METAP1D: variants seen among roughly 807,000 people sequenced by gnomAD.
METAP1D encodes methionyl aminopeptidase type 1D, mitochondrial.
A neutral mutation model predicts 40.5 loss-of-function variants in METAP1D; 31 were observed. The observed-to-expected ratio is 0.77, with a 90% CI of 0.58 to 1.03. The LOEUF (loss-of-function observed/expected upper bound fraction) is 1.03. METAP1D is among the 50% of genes least tolerant of loss of function. The pLI is 0.00. For missense variants in METAP1D, 411 were observed against 420.7 expected, an observed-to-expected ratio of 0.98 and a Z score of 0.20; for synonymous variants, 151 against 146.4, an observed-to-expected ratio of 1.03 and a Z score of -0.22.
rs1423398293 is a variant in METAP1D at position 171,999,954 on chromosome 2, C to A, written c.-16C>A. ...GGCGGCGAGCGAGTGCTCGCGGCCA[C>A]GTGACCGACGCCAACATGGCGGCGC... On this transcript the variant is annotated 5_prime_UTR_variant, in exon 1 of 10. Coordinates refer to ENST00000315796, the MANE Select transcript of METAP1D (RefSeq NM_199227.3). 4 of 1,377,422 alleles carry A rather than the reference C, an allele frequency of 2.9e-6. No homozygotes were observed. The highest frequency in any genetic ancestry group is 1.7e-5 in the South Asian group (1 of 59,220). The allele number at this position is 1,377,422 out of a possible 1,614,324, so 85.3% of individuals were successfully genotyped here.
chr2:172,069,380 G>C (rs1050258393), intron 5 of METAP1D, among the ~76,000 whole-genome samples: 1 of 151,950 alleles, frequency 6.6e-6, no homozygotes, highest in African/African-American at 2.4e-5. Flanking sequence ...GAATGAAATC[G>C]TATTTTGTAT....
At chr2:172,014,213 C>T (rs1688795442) in intron 1 of METAP1D, among the ~76,000 whole-genome samples, 1 of 151,892 alleles carries the variant, frequency 6.6e-6, no homozygotes, top group Non-Finnish European at 1.5e-5. Context: ...TGGGTGCAAG[C>T]GATTCTCCTG....
chr2:172,051,555 G>T (rs1484243889), intron 1 of METAP1D, among the ~76,000 whole-genome samples: 1 of 152,148 alleles, frequency 6.6e-6, no homozygotes, highest in Non-Finnish European at 1.5e-5. Context: ...AAAGGAGGAG[G>T]TATATAGTAT....
chr2:172,002,047 A>G (rs1237875870), intron 1 of METAP1D, among the ~76,000 whole-genome samples: 8 of 10,078 alleles, frequency 7.9e-4, no homozygotes, highest in South Asian at 7.5e-3. Flanking sequence ...TAGTGAGCTG[A>G]AAAAAAAAAA....
In METAP1D at chr2:172,045,197, T is replaced by G. The variant is rs1266816055; in HGVS notation, c.41-16301T>G. Among the ~76,000 whole-genome samples the G allele has an allele frequency of 1.5e-5, 2 of 133,746 alleles. 1 individual carries two copies. The highest frequency in any genetic ancestry group is 3.5e-5 in the Non-Finnish European group (2 of 57,522). 87.7% of individuals were successfully genotyped at this position (133,746 alleles called of 152,430 possible). The stretch of plus-strand genomic sequence containing the variant: ...ACCCACAAATACTACTTTTACACAT[T>G]TAAACTAAAAAGAAGTCATCACTTG... On this transcript the variant is annotated intron_variant, in intron 1 of 9. Coordinates refer to ENST00000315796, the MANE Select transcript of METAP1D (RefSeq NM_199227.3).
At chr2:172,016,730 G>A (rs909009969) in intron 1 of METAP1D, among the ~76,000 whole-genome samples, 1 of 151,736 alleles carries the variant, frequency 6.6e-6, no homozygotes, top group Admixed American at 6.6e-5. Context: ...GCTTCTCATT[G>A]TAGTCACTGT....
intron 1 of METAP1D, among the ~76,000 whole-genome samples, chr2:172,036,182 TGGCG>T: frequency 1.3e-5 from 2 of 150,712 alleles, no homozygotes; most frequent in Non-Finnish European, 3.0e-5. Context: ...CTGGGCGTGG[TGGCG>T]GGTGCCTGTA....
intron 1 of METAP1D, among the ~76,000 whole-genome samples, chr2:172,013,823 CTTTT>C (rs35639666): frequency 6.3e-5 from 8 of 127,772 alleles, no homozygotes; most frequent in Admixed American, 8.0e-5. Flanking sequence ...CTTTTTTTTT[CTTTT>C]TTTTTTTTTT....
rs1229035139 is a variant in METAP1D, at chr2:172,000,152, C to T, written c.40+143C>T. ...CAGTGTTTACGAACACACGCAGGCA[C>T]ACACGATGACACATTCACACACCAC... On this transcript the variant is annotated intron_variant, in intron 1 of 9. Coordinates refer to ENST00000315796, the MANE Select transcript of METAP1D (RefSeq NM_199227.3). 4 of 631,544 alleles carry T rather than the reference C, an allele frequency of 6.3e-6. No homozygotes were observed. In the Admixed American group the frequency reaches 1.7e-4, roughly 28 times the overall value. 39.1% of individuals were successfully genotyped at this position (631,544 alleles called of 1,614,324 possible). A position where few individuals can be genotyped will look rare whatever the true frequency, so the allele number is the denominator to read the frequency against.
At chr2:172,058,291 G>A (rs911067302) in intron 1 of METAP1D, among the ~76,000 whole-genome samples, 1 of 152,134 alleles carries the variant, frequency 6.6e-6, no homozygotes, top group Non-Finnish European at 1.5e-5. Context: ...TCTTCTAAAT[G>A]CAAGACACTT....
chr2:172,001,097 C>T (rs1010787379), intron 1 of METAP1D, among the ~76,000 whole-genome samples: 1 of 151,768 alleles, frequency 6.6e-6, no homozygotes, highest in Admixed American at 6.6e-5. Flanking sequence ...TTACTAAGGT[C>T]GCATAAATGG....
At chr2:172,072,879 T>G (rs1690456599) in intron 6 of METAP1D, among the ~76,000 whole-genome samples, 1 of 151,654 alleles carries the variant, frequency 6.6e-6, no homozygotes, top group African/African-American at 2.4e-5. Flanking sequence ...TTTCATATTC[T>G]CTGACACCAT....
At chr2:172,070,738 A>C (rs1690400312) in intron 5 of METAP1D, 169 bp from the exon 6 acceptor site, 2 of 422,248 alleles carry the variant, frequency 4.7e-6, no homozygotes, top group Admixed American at 4.6e-5. Context: ...CATCTTTTAA[A>C]TTTCTGCAAG....
rs1008778369 is a variant in METAP1D, at chr2:172,063,579, T to A, written c.199-132T>A. The A allele has an allele frequency of 4.2e-6, 3 of 709,608 alleles. No individual in the cohort carries two copies. In the African/African-American group the frequency reaches 5.4e-5, roughly 13 times the overall value. 44.0% of individuals were successfully genotyped at this position (709,608 alleles called of 1,614,324 possible). On this transcript the variant is annotated intron_variant, in intron 2 of 9. Coordinates refer to ENST00000315796, the MANE Select transcript of METAP1D (RefSeq NM_199227.3). ...ACTGGGGGCAGCCTGGAGGGTCTGT[T>A]GTGCTGGCTTCGGAGGTCGGTGCTC...
chr2:172,052,871 GCC>G (rs1689915407), intron 1 of METAP1D, among the ~76,000 whole-genome samples: 2 of 152,196 alleles, frequency 1.3e-5, no homozygotes, highest in South Asian at 4.2e-4. Flanking sequence ...CTTTAGCTTT[GCC>G]CAATCAGTAT....
intron 1 of METAP1D, among the ~76,000 whole-genome samples, chr2:172,012,090 C>T (rs1002343607): frequency 6.6e-6 from 1 of 152,194 alleles, no homozygotes; most frequent in Non-Finnish European, 1.5e-5. Flanking sequence ...TGTGATCATT[C>T]TGGACGTGGG....
At chr2:172,024,290 C>T (rs1340832797) in intron 1 of METAP1D, among the ~76,000 whole-genome samples, 3 of 152,088 alleles carry the variant, frequency 2.0e-5, no homozygotes, top group Admixed American at 2.0e-4. Context: ...TAAATCCCCT[C>T]CTTAATTCAA....
Position 172,071,006 on chromosome 2 carries a change from A to T in METAP1D, c.640A>T (p.Arg214Ter). 1 of 1,613,346 alleles carries T rather than the reference A, an allele frequency of 6.2e-7. No homozygotes were observed. The highest frequency in any genetic ancestry group is 8.5e-7 in the Non-Finnish European group (1 of 1,179,434). ...KKLVEVARRC[R>*]DEAIAACRAG... ...GTTAGTGGAGGTTGCCAGGAGGTGT[A>T]GAGATGAAGCAATTGCAGCTTGCAG... The change falls in exon 6 of 10, where the codon AGA (arginine) becomes TGA (stop). Residue 214 changes from arginine (R) to a stop codon, truncating the protein, a stop_gained. Coordinates refer to ENST00000315796, the MANE Select transcript of METAP1D (RefSeq NM_199227.3). LOFTEE classifies it high-confidence loss of function.
chr2:172,062,552 G>A (rs889080940), intron 2 of METAP1D, among the ~76,000 whole-genome samples: 2 of 152,252 alleles, frequency 1.3e-5, no homozygotes, highest in African/African-American at 4.8e-5. Context: ...CAGCCCAACA[G>A]CCCTTCTGCC....
Sources: allele counts gnomAD v4.1 joint callset (sites outside exome capture counted in the v4.1 genomes callset), GRCh38; gene constraint gnomAD v4.1.1; transcripts MANE v1.5; gene names NCBI Gene and HGNC (gene_info 2026-07-23, HGNC 2026-07-21).